Variants in ANKRD30BL observed in about 807,000 individuals in gnomAD.
ANKRD30BL encodes putative ankyrin repeat domain-containing protein 30B-like.
A neutral mutation model predicts 18.4 loss-of-function variants in ANKRD30BL; 20 were observed. That is an observed-to-expected ratio of 1.09 (90% CI 0.77 to 1.58). ANKRD30BL has a LOEUF of 1.58. Ranked by LOEUF, ANKRD30BL falls within the 40% of genes most tolerant of loss-of-function variation. The pLI is 0.00. For synonymous variants in ANKRD30BL, 72 were observed against 100.9 expected (o/e 0.71, Z 1.72); for missense variants, 224 against 268.6 (o/e 0.83, Z 1.16).
chr2:132,151,633 A>C (rs1158527876), intron 4 of ANKRD30BL, among the ~76,000 whole-genome samples: 5 of 151,854 alleles, frequency 3.3e-5, no homozygotes, highest in African/African-American at 7.3e-5. Context: ...AAACAAAAAA[A>C]ATGTTTTTCT....
intron 1 of ANKRD30BL, among the ~76,000 whole-genome samples, chr2:132,249,419 A>G (rs1443174803): frequency 6.6e-6 from 1 of 152,172 alleles, no homozygotes; most frequent in Non-Finnish European, 1.5e-5. Context: ...ATGAAGTCAC[A>G]CATCACAAAT....
At chr2:132,239,074 A>G (rs1315091396) in intron 1 of ANKRD30BL, among the ~76,000 whole-genome samples, 1 of 152,134 alleles carries the variant, frequency 6.6e-6, no homozygotes, top group Non-Finnish European at 1.5e-5. Flanking sequence ...CTTTTGTAGT[A>G]TCTGGAAGTG....
At chr2:132,175,181 C>CT (rs1416933797) in intron 1 of ANKRD30BL, among the ~76,000 whole-genome samples, 4 of 138,080 alleles carry the variant, frequency 2.9e-5, no homozygotes, top group Non-Finnish European at 6.3e-5. Flanking sequence ...GCACCGGACT[C>CT]TGAGTTCCCT....
At chr2:132,237,034 CA>C (rs1322171881) in intron 1 of ANKRD30BL, among the ~76,000 whole-genome samples, 1 of 151,386 alleles carries the variant, frequency 6.6e-6, no homozygotes, top group African/African-American at 2.4e-5. Context: ...AACAAAAAAC[CA>C]AACACTGCAT....
At chr2:132,200,805 A>G (rs1379058044) in intron 1 of ANKRD30BL, among the ~76,000 whole-genome samples, 1 of 152,168 alleles carries the variant, frequency 6.6e-6, no homozygotes, top group Non-Finnish European at 1.5e-5. Context: ...TTTAAAGTTC[A>G]TATGGAACCA....
intron 1 of ANKRD30BL, among the ~76,000 whole-genome samples, chr2:132,217,485 G>A (rs1276121108): frequency 3.9e-5 from 6 of 151,934 alleles, no homozygotes; most frequent in Admixed American, 2.0e-4. Flanking sequence ...TGTGATGTTC[G>A]CATTCAACTC....
At chr2:132,217,235 T>A (rs887467233) in intron 1 of ANKRD30BL, among the ~76,000 whole-genome samples, 1 of 152,170 alleles carries the variant, frequency 6.6e-6, no homozygotes, top group African/African-American at 2.4e-5. Context: ...TGGACCACTT[T>A]GAGGCTTTTG....
intron 1 of ANKRD30BL, among the ~76,000 whole-genome samples, chr2:132,183,585 G>T (rs1314843018): frequency 1.3e-5 from 2 of 152,104 alleles, no homozygotes; most frequent in African/African-American, 4.8e-5. Context: ...AGAGAGACTA[G>T]AAGTTCCAAG....
intron 1 of ANKRD30BL, chr2:132,253,155 G>A (rs1573899066): frequency 4.5e-6 from 1 of 219,938 alleles, no homozygotes; most frequent in Middle Eastern, 5.4e-4. Flanking sequence ...ATTGGCAAGT[G>A]ACGCTCAGAC....
chr2:132,224,653 A>T (rs1162085969), intron 1 of ANKRD30BL, among the ~76,000 whole-genome samples: 6 of 152,038 alleles, frequency 3.9e-5, no homozygotes, highest in African/African-American at 9.7e-5. Context: ...TTCACTTAAA[A>T]ACTAGACAGA....
chr2:132,241,415 G>T (rs1425564809), intron 1 of ANKRD30BL, among the ~76,000 whole-genome samples: 1 of 151,832 alleles, frequency 6.6e-6, no homozygotes, highest in African/African-American at 2.4e-5. Flanking sequence ...TCACAGAGTT[G>T]AACCTTCCCT....
chr2:132,161,765 C>T lies in ANKRD30BL; in HGVS notation c.-60G>A, dbSNP rs1457895940. 1 of 760,740 alleles carries T rather than the reference C, an allele frequency of 1.3e-6. No homozygotes were observed. Among genetic ancestry groups the T allele is most frequent in the Non-Finnish European group, 2.3e-6 (1 of 444,342 alleles). The allele number at this position is 760,740 out of a possible 1,614,324, so 47.1% of individuals were successfully genotyped here. On this transcript the variant is annotated 5_prime_UTR_variant, in exon 1 of 6. Transcript: ENST00000409867. ...CCCGCTGCTCGCCCTTCCCCAGTCC[C>T]CGCCGCTCGCCCTCGCCCTTCTTCA...
At chr2:132,257,436 C>G in intron 1 of ANKRD30BL, 3 of 310,664 alleles carry the variant, frequency 9.7e-6, no homozygotes, top group Non-Finnish European at 1.9e-5. Context: ...TCCCCTGACT[C>G]GGAAGGGGAA....
chr2:132,227,311 C>CT (rs1436558635), intron 1 of ANKRD30BL, among the ~76,000 whole-genome samples: 3 of 151,980 alleles, frequency 2.0e-5, no homozygotes, highest in Admixed American at 1.3e-4. Flanking sequence ...TTGAAACATT[C>CT]TTTTTGTAGA....
intron 1 of ANKRD30BL, among the ~76,000 whole-genome samples, chr2:132,210,738 CTG>C (rs1463604801): frequency 4.0e-5 from 6 of 151,802 alleles, no homozygotes; most frequent in African/African-American, 1.5e-4. Flanking sequence ...CAGAAGCAGT[CTG>C]TGTAATTTCT....
intron 5 of ANKRD30BL, among the ~76,000 whole-genome samples, chr2:132,150,014 G>C (rs1001907641): frequency 1.3e-5 from 2 of 152,034 alleles, no homozygotes; most frequent in Admixed American, 6.6e-5. Context: ...AATGTTAGTA[G>C]AGTTTTGGAG....
chr2:132,194,516 C>G (rs1040701669), intron 1 of ANKRD30BL, among the ~76,000 whole-genome samples: 3 of 152,130 alleles, frequency 2.0e-5, no homozygotes, highest in African/African-American at 7.2e-5. Flanking sequence ...GTGAGAGTCT[C>G]CAATGAGTAA....
chr2:132,219,418 T>G (rs918687626), intron 1 of ANKRD30BL, among the ~76,000 whole-genome samples: 3 of 151,878 alleles, frequency 2.0e-5, no homozygotes, highest in Non-Finnish European at 4.4e-5. Context: ...TTTGAAACAC[T>G]CTTTTTGTAT....
intron 1 of ANKRD30BL, among the ~76,000 whole-genome samples, chr2:132,215,956 C>A (rs1444344704): frequency 1.3e-5 from 2 of 152,038 alleles, no homozygotes; most frequent in South Asian, 4.1e-4. Flanking sequence ...TTTGATTGAG[C>A]AGCTTTGAAA....
Sources: allele counts gnomAD v4.1 joint callset (sites outside exome capture counted in the v4.1 genomes callset), GRCh38; gene constraint gnomAD v4.1.1; transcripts MANE v1.5; gene names NCBI Gene and HGNC (gene_info 2026-07-23, HGNC 2026-07-21).